PTPRN2: variants seen among roughly 807,000 people sequenced by gnomAD.
PTPRN2 encodes the protein protein tyrosine phosphatase receptor type N2, also known as receptor-type tyrosine-protein phosphatase N2.
A neutral mutation model predicts 118.8 loss-of-function variants in PTPRN2; 74 were observed. The ratio of observed to expected loss-of-function variants is 0.62; its 90% confidence interval spans 0.52 to 0.76. The LOEUF (loss-of-function observed/expected upper bound fraction) is 0.76, where lower values mean the gene tolerates loss of function less well. PTPRN2 is among the 30% of genes least tolerant of loss of function. The pLI, the probability that PTPRN2 is intolerant of heterozygous loss-of-function variation, is 0.00. For synonymous variants in PTPRN2, 641 were observed against 608.0 expected, an observed-to-expected ratio of 1.05 and a Z score of -0.80; for missense variants, 1,481 against 1,394.4, an observed-to-expected ratio of 1.06 and a Z score of -0.99.
chr7:157,774,148 G>A (rs1803049371), intron 12 of PTPRN2, among the ~76,000 whole-genome samples: 1 of 152,186 alleles, frequency 6.6e-6, no homozygotes, highest in Non-Finnish European at 1.5e-5. Context: ...AGCTGCCACG[G>A]GGAAGAGAGG....
At chr7:157,970,696 G>A (rs1400642527) in intron 11 of PTPRN2, among the ~76,000 whole-genome samples, 1 of 151,622 alleles carries the variant, frequency 6.6e-6, no homozygotes, top group African/African-American at 2.4e-5. Context: ...GAGCCTTGGT[G>A]GGACCTGTGC....
At chr7:158,071,412 CTCCTGG>C (rs1455136307) in intron 11 of PTPRN2, among the ~76,000 whole-genome samples, 6 of 55,788 alleles carry the variant, frequency 1.1e-4, no homozygotes, top group African/African-American at 4.7e-4. Context: ...GGTGGAGTTG[CTCCTGG>C]TGGTGGAGGT....
intron 2 of PTPRN2, among the ~76,000 whole-genome samples, chr7:158,433,377 G>C (rs1586663042): frequency 6.6e-6 from 1 of 152,168 alleles, no homozygotes; most frequent in East Asian, 1.9e-4. Flanking sequence ...CAAGCTGCTA[G>C]GCACATTCTT....
intron 1 of PTPRN2, among the ~76,000 whole-genome samples, chr7:158,490,623 C>A (rs1400498111): frequency 1.3e-5 from 2 of 152,252 alleles, no homozygotes; most frequent in Admixed American, 6.5e-5. Context: ...ACACCAGAAC[C>A]GGGAGGGCCC....
intron 1 of PTPRN2, among the ~76,000 whole-genome samples, chr7:158,553,637 C>T (rs976495542): frequency 9.9e-5 from 15 of 151,794 alleles, no homozygotes; most frequent in African/African-American, 3.1e-4. Context: ...TGTCTAAATA[C>T]GCACAGGCTT....
At chr7:157,966,786 CCAT>C (rs1224737892) in intron 11 of PTPRN2, among the ~76,000 whole-genome samples, 1 of 151,804 alleles carries the variant, frequency 6.6e-6, no homozygotes, top group Non-Finnish European at 1.5e-5. Flanking sequence ...ACTATCATCA[CCAT>C]CATCTTCATC....
chr7:158,317,140 GC>G lies in PTPRN2; in HGVS notation c.164-209del, dbSNP rs142203156. ...ACCGAGCATCACGGAAAACACAAATGCCAAGGTGGAGAGAAAGTCCAGTGTG... is the reference window on the plus strand; with the variant it reads ...ACCGAGCATCACGGAAAACACAAATGCAAGGTGGAGAGAAAGTCCAGTGTG... On this transcript the variant is annotated intron_variant, in intron 2 of 22. Transcript: ENST00000389418. Among the ~76,000 whole-genome samples the G allele has an allele frequency of 9.4e-3, 1,427 of 152,274 alleles. 28 individuals are homozygous for G. Among genetic ancestry groups the G allele is most frequent in the African/African-American group, 0.032 (1,347 of 41,540 alleles).
At chr7:158,364,483 T>G (rs1236029385) in intron 2 of PTPRN2, among the ~76,000 whole-genome samples, 1 of 152,214 alleles carries the variant, frequency 6.6e-6, no homozygotes, top group African/African-American at 2.4e-5. Context: ...TGTCTCTTTT[T>G]CTGGTTTATA....
At chr7:158,402,710 C>T (rs1405646487) in intron 2 of PTPRN2, among the ~76,000 whole-genome samples, 1 of 152,218 alleles carries the variant, frequency 6.6e-6, no homozygotes, top group Non-Finnish European at 1.5e-5. Context: ...GCTGTCGTGC[C>T]TGCTCTCCGG....
chr7:158,130,656 C>G (rs568122848), intron 9 of PTPRN2, among the ~76,000 whole-genome samples: 1 of 151,128 alleles, frequency 6.6e-6, no homozygotes, highest in East Asian at 2.0e-4. Context: ...ACACATCTAC[C>G]TGACTCATAC....
intron 5 of PTPRN2, among the ~76,000 whole-genome samples, chr7:158,190,843 C>T (rs1585796073): frequency 2.6e-5 from 4 of 152,398 alleles, no homozygotes; most frequent in South Asian, 4.1e-4. Flanking sequence ...TGCATTCAAA[C>T]GTCATTGTGA....
At chr7:158,214,447 T>C (rs2150774127) in intron 3 of PTPRN2, among the ~76,000 whole-genome samples, 1 of 151,004 alleles carries the variant, frequency 6.6e-6, no homozygotes, top group East Asian at 2.0e-4. Flanking sequence ...AAGCAGCCTC[T>C]CTCTAATCAA....
intron 12 of PTPRN2, among the ~76,000 whole-genome samples, chr7:157,891,273 T>C (rs1463401628): frequency 1.3e-5 from 2 of 152,152 alleles, no homozygotes; most frequent in Admixed American, 1.3e-4. Flanking sequence ...CTGTGTACAG[T>C]AGCAAACCTC....
rs188565967 is a variant in PTPRN2, at chr7:158,133,703, C to T, written c.1530G>A (p.Ala510=). Residue 510 remains alanine (A), a synonymous_variant, in exon 9 of 23, where the codon GCG becomes GCA. Coordinates refer to ENST00000389418, the MANE Select transcript of PTPRN2 (RefSeq NM_002847.5). ...QLEVQPSEEE[A]RGYIVTDRDP... is the part of the protein sequence containing the mutation. ...CTCTGTCTGTCACGATGTAGCCCCGCGCCTCTTCCTCGGAAGGCTGGACCT... is the reference window on the plus strand; with the variant it reads ...CTCTGTCTGTCACGATGTAGCCCCGTGCCTCTTCCTCGGAAGGCTGGACCT... 1.6e-5 allele frequency: 25 copies of T among 1,604,064 alleles called. No homozygotes were observed. The highest frequency in any genetic ancestry group is 6.7e-5 in the East Asian group (3 of 44,678).
At chr7:157,602,108 G>A (rs140999649) in intron 16 of PTPRN2, among the ~76,000 whole-genome samples, 104 of 152,310 alleles carry the variant, frequency 6.8e-4, no homozygotes, top group African/African-American at 2.3e-3. Flanking sequence ...AAACCCACAC[G>A]GAACCAAGCT....
At chr7:158,370,892 A>C (rs1809937015) in intron 2 of PTPRN2, among the ~76,000 whole-genome samples, 1 of 152,254 alleles carries the variant, frequency 6.6e-6, no homozygotes, top group African/African-American at 2.4e-5. Context: ...TTTACTAAAT[A>C]CCACACAAAA....
intron 12 of PTPRN2, among the ~76,000 whole-genome samples, chr7:157,684,660 G>A (rs1435043380): frequency 1.4e-5 from 2 of 145,152 alleles, no homozygotes; most frequent in Non-Finnish European, 1.5e-5. Context: ...CTAGAGCCGC[G>A]CGACCCAGCC....
rs534813738 is a variant in PTPRN2, at chr7:157,925,601, C to A, written c.1724-26864G>T. 2.6e-5 allele frequency among the ~76,000 whole-genome samples: 4 copies of A among 152,286 alleles called. No homozygotes were observed. In the South Asian group the frequency reaches 8.3e-4, roughly 32 times the overall value. ...GTGGTCAGCAGTGGACTCGGTCAGG[C>A]CACGTGGAAACCGCATGGGGCCACA... On this transcript the variant is annotated intron_variant, in intron 11 of 22. Transcript: ENST00000389418.
At chr7:157,727,961 C>A (rs1459892146) in intron 12 of PTPRN2, among the ~76,000 whole-genome samples, 1 of 152,212 alleles carries the variant, frequency 6.6e-6, no homozygotes, top group Non-Finnish European at 1.5e-5. Context: ...CCCAGCTGAG[C>A]ACCCTCCCCT....
Sources: gnomAD v4.1 joint callset for allele counts (sites outside exome capture counted in the v4.1 genomes callset) on GRCh38, gnomAD v4.1.1 for gene constraint, MANE v1.5 for transcripts, NCBI Gene and HGNC (gene_info 2026-07-23, HGNC 2026-07-21) for gene names.